Variants in CFAP299 observed in about 807,000 individuals in gnomAD.
CFAP299 encodes the protein cilia and flagella associated protein 299, also known as cilia- and flagella-associated protein 299.
CFAP299 carries 21 observed loss-of-function variants against 27.0 expected under a neutral mutation model. That is an observed-to-expected ratio of 0.78 (90% confidence interval 0.55 to 1.12). The LOEUF is 1.12. Among genes scored for constraint, CFAP299 ranks in the 50% most tolerant of loss-of-function variants. CFAP299 has a pLI of 0.00. For synonymous variants in CFAP299, 104 were observed against 98.1 expected (o/e 1.06, Z -0.36); for missense variants, 310 against 276.6 (o/e 1.12, Z -0.86).
intron 3 of CFAP299, among the ~76,000 whole-genome samples, chr4:80,858,124 C>G (rs1425782916): frequency 3.3e-5 from 5 of 152,238 alleles, no homozygotes; most frequent in East Asian, 1.9e-4. Flanking sequence ...CTTCTTCCTA[C>G]TTTAGTCTTG....
intron 4 of CFAP299, among the ~76,000 whole-genome samples, chr4:80,905,569 C>A (rs1181933392): frequency 6.6e-6 from 1 of 152,048 alleles, no homozygotes; most frequent in African/African-American, 2.4e-5. Flanking sequence ...TAAAGAACTG[C>A]CCAAGACAGG....
intron 3 of CFAP299, among the ~76,000 whole-genome samples, chr4:80,710,975 G>A (rs146966453): frequency 6.6e-6 from 1 of 152,138 alleles, no homozygotes; most frequent in African/African-American, 2.4e-5. Context: ...CGAGTTTAGA[G>A]CACAGGCGTA....
intron 3 of CFAP299, among the ~76,000 whole-genome samples, chr4:80,586,245 T>G (rs1168804950): frequency 6.6e-6 from 1 of 152,008 alleles, no homozygotes; most frequent in African/African-American, 2.4e-5. Context: ...ACATGACAAC[T>G]ATTTAATATA....
At chr4:80,830,973 T>C (rs1730267579) in intron 3 of CFAP299, among the ~76,000 whole-genome samples, 1 of 152,088 alleles carries the variant, frequency 6.6e-6, no homozygotes, top group Admixed American at 6.6e-5. Context: ...CTACAAGATA[T>C]TTACTATTTT....
At chr4:80,623,183 G>T (rs955169216) in intron 3 of CFAP299, among the ~76,000 whole-genome samples, 1 of 152,138 alleles carries the variant, frequency 6.6e-6, no homozygotes, top group Admixed American at 6.5e-5. Flanking sequence ...GAGAGAGAAA[G>T]GAGGGGAAAG....
At chr4:80,858,194 T>C (rs1418436110) in intron 3 of CFAP299, among the ~76,000 whole-genome samples, 1 of 152,266 alleles carries the variant, frequency 6.6e-6, no homozygotes, top group African/African-American at 2.4e-5. Context: ...TTCATTTGCA[T>C]AGAGGTGTTT....
rs192371266 is a variant in CFAP299, at chr4:80,832,765, A to G, written c.334-37228A>G. 1.0e-3 allele frequency among the ~76,000 whole-genome samples: 157 copies of G among 152,280 alleles called. 1 individual carries two copies. Among genetic ancestry groups the G allele is most frequent in the Non-Finnish European group, 1.6e-3 (110 of 68,002 alleles). On this transcript the variant is annotated intron_variant, in intron 3 of 5. Coordinates refer to ENST00000358105, the MANE Select transcript of CFAP299 (RefSeq NM_152770.3). Reference sequence around the variant, plus strand: ...TATTACATACATATAAGTTGTGATCATGGAATCATTGGTTAAGTACAAGTT... The same window carrying G: ...TATTACATACATATAAGTTGTGATCGTGGAATCATTGGTTAAGTACAAGTT...
chr4:80,557,496 A>G (rs1734835934), intron 2 of CFAP299, among the ~76,000 whole-genome samples: 1 of 152,096 alleles, frequency 6.6e-6, no homozygotes, highest in African/African-American at 2.4e-5. Context: ...CATTCTCTCT[A>G]ACACGTACAA....
At chr4:80,412,759 G>GAC (rs138817066) in intron 2 of CFAP299, among the ~76,000 whole-genome samples, 20 of 151,962 alleles carry the variant, frequency 1.3e-4, no homozygotes, top group African/African-American at 3.6e-4. Context: ...ATGATGCCTT[G>GAC]ACACACACAC....
chr4:80,360,506 A>G (rs1723488851), intron 1 of CFAP299, among the ~76,000 whole-genome samples: 1 of 152,238 alleles, frequency 6.6e-6, no homozygotes, highest in Non-Finnish European at 1.5e-5. Context: ...GTCAGTGATT[A>G]TCTCTGAGTG....
intron 2 of CFAP299, among the ~76,000 whole-genome samples, chr4:80,518,861 T>G (rs886748754): frequency 1.3e-5 from 2 of 152,120 alleles, no homozygotes; most frequent in African/African-American, 4.8e-5. Flanking sequence ...AGTAGAACTT[T>G]GCTTAGAGAG....
At chr4:80,500,234 T>G (rs1355404051) in intron 2 of CFAP299, among the ~76,000 whole-genome samples, 2 of 152,094 alleles carry the variant, frequency 1.3e-5, no homozygotes, top group Non-Finnish European at 2.9e-5. Context: ...GAAGAAATTC[T>G]CAGAAGATGG....
At chr4:80,468,333 C>G (rs1030857961) in intron 2 of CFAP299, among the ~76,000 whole-genome samples, 1 of 151,512 alleles carries the variant, frequency 6.6e-6, no homozygotes, top group Non-Finnish European at 1.5e-5. Context: ...AAGTGATTCT[C>G]CAGCCTCAGC....
At chr4:80,717,390 CT>C (rs1206245682) in intron 3 of CFAP299, among the ~76,000 whole-genome samples, 1 of 152,124 alleles carries the variant, frequency 6.6e-6, no homozygotes, top group Non-Finnish European at 1.5e-5. Context: ...ACAGTTCCAG[CT>C]TCTCCCATGA....
At chr4:80,489,007 T>G in intron 2 of CFAP299, among the ~76,000 whole-genome samples, 1 of 152,240 alleles carries the variant, frequency 6.6e-6, no homozygotes, top group East Asian at 1.9e-4. Context: ...TTTAGTGTTG[T>G]CTGAAACAAA....
chr4:80,729,630 C>T (rs1249787893), intron 3 of CFAP299, among the ~76,000 whole-genome samples: 4 of 129,540 alleles, frequency 3.1e-5, no homozygotes, highest in Non-Finnish European at 4.7e-5. Context: ...GACGGAGTCT[C>T]GCTCTGTCTC....
In CFAP299 at chr4:80,346,749, G is replaced by A. The variant is rs534679186; in HGVS notation, c.111+10870G>A. 1.6e-4 allele frequency among the ~76,000 whole-genome samples: 24 copies of A among 152,214 alleles called. No homozygotes were observed. In the East Asian group the frequency reaches 4.1e-3, roughly 26 times the overall value. Reference sequence around the variant, plus strand: ...TCTTTTGGCTTAGGATTGACTTGGCGATGCGGGCTCTTTTTTGGTTCCATA... The same window carrying A: ...TCTTTTGGCTTAGGATTGACTTGGCAATGCGGGCTCTTTTTTGGTTCCATA... On this transcript the variant is annotated intron_variant, in intron 1 of 5. Coordinates refer to ENST00000358105, the MANE Select transcript of CFAP299 (RefSeq NM_152770.3).
chr4:80,796,603 C>A (rs187903682), intron 3 of CFAP299, among the ~76,000 whole-genome samples: 1 of 152,166 alleles, frequency 6.6e-6, no homozygotes, highest in Non-Finnish European at 1.5e-5. Context: ...CCATAACTGG[C>A]CCAGCAGCTG....
chr4:80,825,072 A>C (rs888997031), intron 3 of CFAP299, among the ~76,000 whole-genome samples: 1 of 151,924 alleles, frequency 6.6e-6, no homozygotes, highest in East Asian at 1.9e-4. Flanking sequence ...AGAGATATAA[A>C]CCTAAAAAGA....
Sources: allele counts gnomAD v4.1 joint callset (sites outside exome capture counted in the v4.1 genomes callset), GRCh38; gene constraint gnomAD v4.1.1; transcripts MANE v1.5; gene names NCBI Gene and HGNC (gene_info 2026-07-23, HGNC 2026-07-21).